RBM6: variants seen among roughly 807,000 people sequenced by gnomAD.
RBM6 encodes the protein RNA-binding protein 6.
Under a neutral mutation model 140.4 loss-of-function variants are expected in RBM6, and 23 were observed. The observed-to-expected ratio is 0.16, with a 90% CI of 0.12 to 0.23. The LOEUF is 0.23. Among genes scored for constraint, RBM6 ranks in the 10% least tolerant of loss-of-function variants. The pLI is 1.00. For synonymous variants in RBM6, 439 were observed against 475.6 expected (o/e 0.92, Z 1.00); for missense variants, 1,139 against 1,386.7 (o/e 0.82, Z 2.84).
intron 3 of RBM6, among the ~76,000 whole-genome samples, chr3:49,969,415 T>A (rs1373434451): frequency 6.8e-6 from 1 of 146,384 alleles, no homozygotes; most frequent in African/African-American, 2.5e-5. Flanking sequence ...GGAATGTAAA[T>A]CTCTAGAGAA....
At chr3:49,957,897 T>C (rs1178282690) in intron 1 of RBM6, among the ~76,000 whole-genome samples, 1 of 150,912 alleles carries the variant, frequency 6.6e-6, no homozygotes, top group Non-Finnish European at 1.5e-5. Context: ...AATGGCGCAA[T>C]CTCAGCTGAC....
rs947689744 is a variant in RBM6, at chr3:50,039,488, C to A, written c.1558-8757C>A. 7.7e-4 allele frequency among the ~76,000 whole-genome samples: 107 copies of A among 138,206 alleles called. 1 individual carries two copies. Among genetic ancestry groups the A allele is most frequent in the South Asian group, 3.0e-3 (13 of 4,402 alleles). The allele number at this position is 138,206 out of a possible 152,430, so 90.7% of individuals were successfully genotyped here. A position where few individuals can be genotyped will look rare whatever the true frequency, so the allele number is the denominator to read the frequency against. ...TCCTGACCTCAGGTGATCCACCCCC[C>A]CCCCCCCCACCCTTGGTCTCCCAAA... On this transcript the variant is annotated intron_variant, in intron 6 of 20. Coordinates refer to ENST00000266022, the MANE Select transcript of RBM6 (RefSeq NM_005777.3).
At position 50,070,504 on chromosome 3, in the gene RBM6, T is replaced by C. The variant is rs955679471; in HGVS notation, c.3068T>C (p.Phe1023Ser). ...GATCGCAGGGAAAAGCTCCAGTCTT[T>C]TGACTCTCCAGAAAGGAAACGGATT... Reference protein sequence around the residue: ...GNDRREKLQSFDSPERKRIKY... With the variant: ...GNDRREKLQSSDSPERKRIKY... The change falls in exon 19 of 21, where the codon TTT becomes TCT. Residue 1023 changes from phenylalanine to serine, a missense_variant. Phe to Ser is a radical substitution (Grantham distance 155, BLOSUM62 -2). Transcript: ENST00000266022. The C allele has an allele frequency of 1.2e-6, 2 of 1,613,968 alleles. No individual in the cohort carries two copies. The highest frequency in any genetic ancestry group is 1.7e-6 in the Non-Finnish European group (2 of 1,179,982).
intron 5 of RBM6, among the ~76,000 whole-genome samples, chr3:49,986,617 A>G (rs1398122386): frequency 6.6e-6 from 1 of 151,400 alleles, no homozygotes; most frequent in Admixed American, 6.6e-5. Context: ...AAACAAAACA[A>G]AAAAAAACCA....
intron 1 of RBM6, among the ~76,000 whole-genome samples, chr3:49,950,054 GGGGGCAA>G (rs2083667376): frequency 6.6e-6 from 1 of 152,062 alleles, no homozygotes; most frequent in African/African-American, 2.4e-5. Context: ...AGATATTTTG[GGGGGCAA>G]GGGTGCTTCT....
chr3:49,951,722 T>TTTG (rs887640811), intron 1 of RBM6, among the ~76,000 whole-genome samples: 2 of 149,254 alleles, frequency 1.3e-5, no homozygotes, highest in East Asian at 4.0e-4. Flanking sequence ...TTATTATTTT[T>TTTG]TTGTTGTTCT....
intron 5 of RBM6, among the ~76,000 whole-genome samples, chr3:49,983,501 C>A (rs180886981): frequency 2.6e-4 from 40 of 151,798 alleles, no homozygotes; most frequent in Admixed American, 1.0e-3. Flanking sequence ...ACTGGAGGAG[C>A]TAAAGACAGA....
chr3:49,958,850 A>G (rs2084140676), intron 1 of RBM6, among the ~76,000 whole-genome samples: 2 of 133,562 alleles, frequency 1.5e-5, no homozygotes, highest in African/African-American at 2.9e-5. Context: ...GCTGAGTGCC[A>G]TGGCATGATC....
chr3:50,026,083 CT>C (rs1010392488), intron 6 of RBM6, among the ~76,000 whole-genome samples: 29 of 145,836 alleles, frequency 2.0e-4, no homozygotes, highest in Admixed American at 2.1e-4. Context: ...GACTTTGTCT[CT>C]TTTTTTTTTT....
rs1008161008 is a variant in RBM6 at position 50,059,861 on chromosome 3, T to C, written c.2228+115T>C. On this transcript the variant is annotated intron_variant, in intron 11 of 20. Transcript: ENST00000266022. ...ATGATGTTTTCCTAACATGGACTGCTTCAGATAGGTGTTTATTACAGTTTC... is the reference window on the plus strand; with the variant it reads ...ATGATGTTTTCCTAACATGGACTGCCTCAGATAGGTGTTTATTACAGTTTC... The C allele has an allele frequency of 2.1e-5, 15 of 725,926 alleles. No homozygotes were observed. The African/African-American group carries it at 2.5e-4, about 12-fold the overall frequency. The allele number at this position is 725,926 out of a possible 1,614,324, so 45.0% of individuals were successfully genotyped here. A position where few individuals can be genotyped will look rare whatever the true frequency, so the allele number is the denominator to read the frequency against.
At chr3:50,040,095 G>A (rs2108852123) in intron 6 of RBM6, among the ~76,000 whole-genome samples, 1 of 152,188 alleles carries the variant, frequency 6.6e-6, no homozygotes. Context: ...TGTAAGACCT[G>A]CAAGGAGTGG....
chr3:50,019,163 A>G (rs960813861), intron 6 of RBM6, among the ~76,000 whole-genome samples: 12 of 151,692 alleles, frequency 7.9e-5, no homozygotes, highest in East Asian at 1.9e-4. Context: ...AGCGTTCTGC[A>G]TAGCTGGGAT....
chr3:49,968,876 T>C (rs2084642486), intron 3 of RBM6, 128 bp downstream of exon 3: 2 of 1,181,146 alleles, frequency 1.7e-6, no homozygotes. Context: ...GCCTCCTGGG[T>C]TCATGCCATT....
chr3:50,060,560 A>T (rs2089895137), intron 11 of RBM6, among the ~76,000 whole-genome samples: 2 of 148,114 alleles, frequency 1.4e-5, no homozygotes, highest in Non-Finnish European at 3.0e-5. Context: ...ATCCTGGCTA[A>T]CACGGTAAAA....
At chr3:50,032,642 T>A (rs979568513) in intron 6 of RBM6, among the ~76,000 whole-genome samples, 2 of 152,020 alleles carry the variant, frequency 1.3e-5, no homozygotes, top group African/African-American at 2.4e-5. Flanking sequence ...ATAATAATTT[T>A]AAAAAATACT....
chr3:50,052,352 A>G (rs2089504857), intron 7 of RBM6, among the ~76,000 whole-genome samples: 1 of 152,206 alleles, frequency 6.6e-6, no homozygotes. Flanking sequence ...GGCATGAGCC[A>G]TCATGCCAGG....
intron 6 of RBM6, among the ~76,000 whole-genome samples, chr3:50,029,691 C>T (rs1429715712): frequency 6.6e-6 from 1 of 152,094 alleles, no homozygotes; most frequent in Non-Finnish European, 1.5e-5. Flanking sequence ...CGAGATCGTG[C>T]CACTGCACTC....
intron 1 of RBM6, among the ~76,000 whole-genome samples, chr3:49,948,776 T>C (rs1403979009): frequency 6.7e-6 from 1 of 149,394 alleles, no homozygotes; most frequent in African/African-American, 2.4e-5. Context: ...GAGCTGAGAT[T>C]GCACCCTGCA....
At chr3:50,005,427 G>A (rs1478887210) in intron 6 of RBM6, among the ~76,000 whole-genome samples, 1 of 151,792 alleles carries the variant, frequency 6.6e-6, no homozygotes, top group Non-Finnish European at 1.5e-5. Flanking sequence ...GAGCCTGGGA[G>A]GTCAAAGCTA....
Sources: gnomAD v4.1 joint callset for allele counts (sites outside exome capture counted in the v4.1 genomes callset) on GRCh38, gnomAD v4.1.1 for gene constraint, MANE v1.5 for transcripts, NCBI Gene and HGNC (gene_info 2026-07-23, HGNC 2026-07-21) for gene names.